Variants in PAPSS2 observed in about 807,000 individuals in gnomAD.
The protein encoded by PAPSS2 is 3'-phosphoadenosine 5'-phosphosulfate synthase 2, also known as bifunctional 3'-phosphoadenosine 5'-phosphosulfate synthase 2.
A neutral mutation model predicts 66.5 loss-of-function variants in PAPSS2; 61 were observed. That is an observed-to-expected ratio of 0.92 (90% CI 0.75 to 1.14). The LOEUF (loss-of-function observed/expected upper bound fraction) is 1.14. Ranked by LOEUF, PAPSS2 falls within the 50% of genes most tolerant of loss-of-function variation. The pLI, the probability that PAPSS2 is intolerant of heterozygous loss-of-function variation, is 0.00. For missense variants in PAPSS2, 708 were observed against 789.6 expected, an observed-to-expected ratio of 0.90 and a Z score of 1.24; for synonymous variants, 289 against 287.5, an observed-to-expected ratio of 1.01 and a Z score of -0.05.
intron 1 of PAPSS2, among the ~76,000 whole-genome samples, chr10:87,706,865 C>A (rs1853397755): frequency 1.3e-5 from 2 of 152,208 alleles, no homozygotes; most frequent in African/African-American, 2.4e-5. Flanking sequence ...AATTTGTCCC[C>A]ATTTATGAGC....
chr10:87,707,112 C>T (rs1352143501), intron 1 of PAPSS2, among the ~76,000 whole-genome samples: 3 of 152,188 alleles, frequency 2.0e-5, no homozygotes, highest in African/African-American at 7.2e-5. Context: ...CTGCCTGGCT[C>T]TGTCTCACTA....
chr10:87,660,154 G>C (rs1290364892), intron 1 of PAPSS2, 146 bp downstream of exon 1: 2 of 795,170 alleles, frequency 2.5e-6, no homozygotes, highest in Admixed American at 4.1e-5. Context: ...AGGGAAGCAA[G>C]AGAAAGAGGC....
At chr10:87,711,826 C>A (rs1345868570) in intron 2 of PAPSS2, among the ~76,000 whole-genome samples, 1 of 151,988 alleles carries the variant, frequency 6.6e-6, no homozygotes, top group African/African-American at 2.4e-5. Flanking sequence ...CTGTTGTCTT[C>A]TCTGTATGAA....
chr10:87,687,488 A>G (rs1254654326), intron 1 of PAPSS2, among the ~76,000 whole-genome samples: 1 of 152,350 alleles, frequency 6.6e-6, no homozygotes, highest in East Asian at 1.9e-4. Context: ...AGAAAGACAA[A>G]TAGCATGTTC....
chr10:87,743,266 G>T, intron 10 of PAPSS2, 107 bp from the exon 11 acceptor site: 2 of 1,183,102 alleles, frequency 1.7e-6, no homozygotes, highest in South Asian at 1.3e-5. Flanking sequence ...AAAGCCAGTG[G>T]ATAATGAATG....
At chr10:87,676,267 G>A (rs1356876901) in intron 1 of PAPSS2, among the ~76,000 whole-genome samples, 1 of 152,086 alleles carries the variant, frequency 6.6e-6, no homozygotes, top group African/African-American at 2.4e-5. Context: ...TAAGAAAGTA[G>A]CTTGTAATTC....
intron 1 of PAPSS2, among the ~76,000 whole-genome samples, chr10:87,669,510 ATAAC>A (rs1852851444): frequency 6.6e-6 from 1 of 152,262 alleles, no homozygotes; most frequent in African/African-American, 2.4e-5. Flanking sequence ...TAACCAAATC[ATAAC>A]TAAAATAATT....
chr10:87,701,301 TTCCTTCCTTCCTTCCTTCC>T (rs1853303724), intron 1 of PAPSS2, among the ~76,000 whole-genome samples: 1 of 79,552 alleles, frequency 1.3e-5, no homozygotes. Context: ...TCTTTCTTTT[TTCCTTCCTTCCTTCCTTCC>T]TTCCTTCCTT....
intron 10 of PAPSS2, among the ~76,000 whole-genome samples, chr10:87,742,218 A>G (rs1853879046): frequency 6.6e-6 from 1 of 152,264 alleles, no homozygotes; most frequent in Non-Finnish European, 1.5e-5. Context: ...GCTGAAGTGT[A>G]TTTATGAAGT....
In PAPSS2 at chr10:87,665,002, C is replaced by A. The variant is rs1852797784; in HGVS notation, c.27+4994C>A. 1.3e-5 allele frequency among the ~76,000 whole-genome samples: 2 copies of A among 152,068 alleles called. 1 individual carries two copies. The highest frequency in any genetic ancestry group is 1.3e-4 in the Admixed American group (2 of 15,266). On this transcript the variant is annotated intron_variant, in intron 1 of 12. Coordinates refer to ENST00000456849, the MANE Select transcript of PAPSS2 (RefSeq NM_001015880.2). ...TAGAGGATGTATTTGCTCTTAGGAT[C>A]CACATTTTTTCCTAGATTCCTCACT...
At chr10:87,664,926 G>C (rs1314325473) in intron 1 of PAPSS2, among the ~76,000 whole-genome samples, 1 of 152,178 alleles carries the variant, frequency 6.6e-6, no homozygotes. Flanking sequence ...CACAGATTAG[G>C]TGTTCAATAT....
At chr10:87,708,727 G>T (rs769545480) in intron 1 of PAPSS2, among the ~76,000 whole-genome samples, 8 of 152,162 alleles carry the variant, frequency 5.3e-5, no homozygotes, top group African/African-American at 1.4e-4. Flanking sequence ...GGCAGTGTTT[G>T]TTTCTAAATT....
At chr10:87,718,368 A>G (rs767324019) in intron 7 of PAPSS2, among the ~76,000 whole-genome samples, 3 of 152,066 alleles carry the variant, frequency 2.0e-5, no homozygotes, top group Non-Finnish European at 2.9e-5. Context: ...GATGCTCACT[A>G]CCGTGAGGTG....
chr10:87,746,999 T>G lies in PAPSS2; in HGVS notation c.*1029T>G, dbSNP rs1853949542. 1 of 152,164 alleles carries G rather than the reference T, an allele frequency of 6.6e-6. No homozygotes were observed. The highest frequency in any genetic ancestry group is 1.5e-5 in the Non-Finnish European group (1 of 68,040). The allele number at this position is 152,164 out of a possible 1,614,324, so 9.4% of individuals were successfully genotyped here. The stretch of plus-strand genomic sequence containing the variant: ...CATTATTAGGAAGTGCTGGTGGCAG[T>G]GAAGAAGCACCCAGGCCACTTGACT... On this transcript the variant is annotated 3_prime_UTR_variant, in exon 13 of 13. Transcript: ENST00000456849.
Position 87,713,217 on chromosome 10 carries a change from A to G in PAPSS2, c.288A>G (p.Arg96=). 1 of 1,608,892 alleles carries G rather than the reference A, an allele frequency of 6.2e-7. No individual in the cohort carries two copies. The highest frequency in any genetic ancestry group is 8.5e-7 in the Non-Finnish European group (1 of 1,177,230). Residue 96 remains arginine, a synonymous_variant, in exon 3 of 13, where the codon AGA becomes AGG. Coordinates refer to ENST00000456849, the MANE Select transcript of PAPSS2 (RefSeq NM_001015880.2). ...ATCTCGGATTCTCTCCTGGGGACAG[A>G]GAGGAAAATATCCGCCGGATTGCTG... ...NRNLGFSPGD[R]EENIRRIAEV...
chr10:87,701,390 TTCTTTCTCTTTCTTTCTCTC>T (rs1853312626), intron 1 of PAPSS2, among the ~76,000 whole-genome samples: 1 of 91,210 alleles, frequency 1.1e-5, no homozygotes, highest in Non-Finnish European at 2.1e-5. Context: ...CTTTCTTTCT[TTCTTTCTCTTTCTTTCTCTC>T]TCTCTCTCTC....
intron 1 of PAPSS2, among the ~76,000 whole-genome samples, chr10:87,670,575 A>C (rs943933585): frequency 8.8e-6 from 1 of 114,108 alleles, no homozygotes; most frequent in Middle Eastern, 4.9e-3. Flanking sequence ...AAAAAGATGG[A>C]GCACACACAC....
intron 1 of PAPSS2, among the ~76,000 whole-genome samples, chr10:87,670,964 A>G (rs555008475): frequency 6.6e-6 from 1 of 152,314 alleles, no homozygotes; most frequent in Non-Finnish European, 1.5e-5. Flanking sequence ...TTGTGTACCC[A>G]ACAGGGTTCC....
rs1035305212 is a variant in PAPSS2 at position 87,699,755 on chromosome 10, C to T, written c.28-9441C>T. On this transcript the variant is annotated intron_variant, in intron 1 of 12. Coordinates refer to ENST00000456849, the MANE Select transcript of PAPSS2 (RefSeq NM_001015880.2). The stretch of plus-strand genomic sequence containing the variant: ...ATCCCAGATACTCGGGAGGCTGAGG[C>T]GGGAGAATCACTTGAACCCGGGACG... Among the ~76,000 whole-genome samples the T allele has an allele frequency of 1.5e-4, 22 of 146,028 alleles. 1 individual carries two copies. The highest frequency in any genetic ancestry group is 5.6e-4 in the Admixed American group (8 of 14,318).
Sources: gnomAD v4.1 joint callset for allele counts (sites outside exome capture counted in the v4.1 genomes callset) on GRCh38, gnomAD v4.1.1 for gene constraint, MANE v1.5 for transcripts, NCBI Gene and HGNC (gene_info 2026-07-23, HGNC 2026-07-21) for gene names.